CERS4: variants seen among roughly 807,000 people sequenced by gnomAD.
The protein encoded by CERS4 is LAG1 homolog, ceramide synthase 4.
CERS4 carries 65 observed loss-of-function variants against 51.8 expected under a neutral mutation model. The observed-to-expected ratio is 1.26, with a 90% CI of 1.03 to 1.54. CERS4 has a LOEUF of 1.54. CERS4 is among the 40% of genes most tolerant of loss of function. The probability of loss-of-function intolerance (pLI) is 0.00; values close to 1 mark genes in which losing one functional copy is unlikely to be tolerated. For missense variants in CERS4, 563 were observed against 500.4 expected (o/e 1.13, Z -1.19); for synonymous variants, 228 against 208.4 (o/e 1.09, Z -0.81).
intron 2 of CERS4, among the ~76,000 whole-genome samples, chr19:8,249,465 A>G (rs1968959080): frequency 6.6e-6 from 1 of 151,836 alleles, no homozygotes; most frequent in African/African-American, 2.4e-5. Flanking sequence ...AGGCAAGCTC[A>G]GTTATGCAGT....
chr19:8,246,455 G>A (rs1418683323), intron 2 of CERS4, among the ~76,000 whole-genome samples: 1 of 151,750 alleles, frequency 6.6e-6, no homozygotes, highest in Non-Finnish European at 1.5e-5. Flanking sequence ...GCTCTGCGGG[G>A]GCTGACATGA....
intron 2 of CERS4, chr19:8,240,596 G>GTGTGTGTGTGTA (rs1258900715): frequency 2.0e-5 from 3 of 150,832 alleles, no homozygotes; most frequent in East Asian, 3.9e-4. Flanking sequence ...GTGTGTGTGT[G>GTGTGTGTGTGTA]TGTGTGTGTG....
intron 2 of CERS4, among the ~76,000 whole-genome samples, chr19:8,229,137 C>A (rs192301512): frequency 6.6e-6 from 1 of 152,098 alleles, no homozygotes; most frequent in East Asian, 1.9e-4. Flanking sequence ...ACCAGCCTGG[C>A]AACATGGTGA....
intron 10 of CERS4, among the ~76,000 whole-genome samples, chr19:8,258,766 C>G (rs1278905345): frequency 6.6e-6 from 1 of 152,000 alleles, no homozygotes; most frequent in Non-Finnish European, 1.5e-5. Context: ...CACTTAAACC[C>G]AGAAGGCAGA....
At chr19:8,256,806 C>T in intron 8 of CERS4, 96 bp downstream of exon 8, 1 of 1,570,188 alleles carries the variant, frequency 6.4e-7, no homozygotes. Context: ...TTGAGAGCTC[C>T]CTGGTGCCTC....
chr19:8,211,605 G>T (rs963689863), intron 2 of CERS4, among the ~76,000 whole-genome samples: 1 of 152,148 alleles, frequency 6.6e-6, no homozygotes, highest in Non-Finnish European at 1.5e-5. Context: ...AAAATATCAC[G>T]GAGGGGCTGG....
At chr19:8,249,212 G>A (rs975684820) in intron 2 of CERS4, among the ~76,000 whole-genome samples, 1 of 149,478 alleles carries the variant, frequency 6.7e-6, no homozygotes, top group East Asian at 2.0e-4. Context: ...GACGATGGGT[G>A]GATGGATGAT....
At chr19:8,211,280 G>C (rs112658626) in intron 2 of CERS4, among the ~76,000 whole-genome samples, 1 of 152,124 alleles carries the variant, frequency 6.6e-6, no homozygotes, top group African/African-American at 2.4e-5. Flanking sequence ...CCTCCCACCC[G>C]TGGGATGGCA....
At chr19:8,220,816 T>TG (rs1466988743) in intron 2 of CERS4, among the ~76,000 whole-genome samples, 4 of 135,952 alleles carry the variant, frequency 2.9e-5, no homozygotes, top group Non-Finnish European at 4.9e-5. Context: ...TGCTGTTTTG[T>TG]GTTTTTTTTT....
intron 3 of CERS4, among the ~76,000 whole-genome samples, chr19:8,253,109 G>A (rs983489889): frequency 1.3e-5 from 2 of 152,252 alleles, no homozygotes; most frequent in African/African-American, 2.4e-5. Context: ...TTCACCAAAT[G>A]AGGCAGGATG....
intron 6 of CERS4, 113 bp downstream of exon 6, chr19:8,255,992 G>A: frequency 1.6e-6 from 2 of 1,223,830 alleles, no homozygotes; most frequent in Non-Finnish European, 2.4e-6. Context: ...TGCAGCTGAG[G>A]AGAGAGCGAG....
chr19:8,235,923 C>T lies in CERS4; in HGVS notation c.-1-15153C>T, dbSNP rs958185030. Among the ~76,000 whole-genome samples the T allele has an allele frequency of 5.3e-5, 8 of 149,594 alleles. No individual in the cohort carries two copies. The East Asian group carries it at 1.0e-3, about 19-fold the overall frequency. ...AAACAAAAACAAAACAGGCCGGGCG[C>T]GGTGGCTCACGCCTGTAATCCCAGC... On this transcript the variant is annotated intron_variant, in intron 2 of 11. Transcript: ENST00000251363.
chr19:8,218,280 A>G (rs1022289203), intron 2 of CERS4, among the ~76,000 whole-genome samples: 3 of 152,044 alleles, frequency 2.0e-5, no homozygotes, highest in African/African-American at 7.2e-5. Context: ...GAGGCTCTTG[A>G]CCCAGGCTGG....
At chr19:8,218,560 G>T (rs553941363) in intron 2 of CERS4, among the ~76,000 whole-genome samples, 3 of 152,266 alleles carry the variant, frequency 2.0e-5, no homozygotes, top group African/African-American at 7.2e-5. Flanking sequence ...CAGTGCGTTC[G>T]GCCAGGTCAC....
chr19:8,239,097 T>C (rs1370656435), intron 2 of CERS4, among the ~76,000 whole-genome samples: 1 of 151,190 alleles, frequency 6.6e-6, no homozygotes, highest in African/African-American at 2.4e-5. Context: ...TGAGACCCCA[T>C]CTCTTTAAGA....
At chr19:8,231,765 G>C (rs1968013816) in intron 2 of CERS4, among the ~76,000 whole-genome samples, 1 of 151,412 alleles carries the variant, frequency 6.6e-6, no homozygotes, top group South Asian at 2.1e-4. Context: ...TGTTAGCCAG[G>C]ATGGTCTCGA....
At chr19:8,231,104 G>T (rs781631723) in intron 2 of CERS4, among the ~76,000 whole-genome samples, 20 of 152,156 alleles carry the variant, frequency 1.3e-4, no homozygotes, top group Non-Finnish European at 2.6e-4. Flanking sequence ...GTCTCAAAGT[G>T]CTGGGATTAC....
At chr19:8,253,826 G>A (rs1599583772) in intron 3 of CERS4, among the ~76,000 whole-genome samples, 4 of 152,088 alleles carry the variant, frequency 2.6e-5, no homozygotes, top group South Asian at 4.1e-4. Context: ...CTGACCTCAC[G>A]TGATCCGCCC....
chr19:8,257,969 G>A lies in CERS4; in HGVS notation c.832G>A (p.Val278Ile). 1.2e-6 allele frequency: 2 copies of A among 1,613,802 alleles called. No individual in the cohort carries two copies. The highest frequency in any genetic ancestry group is 8.5e-7 in the Non-Finnish European group (1 of 1,179,926). ...CTTTGTCTTCTTCTACACCCGACTG[G>A]TCCTCTTTCCCACCCAGTGAGTCAG... is the stretch of plus-strand genomic sequence containing the variant. ...FSFVFFYTRLVLFPTQILYTT... is the reference protein window; with the variant it reads ...FSFVFFYTRLILFPTQILYTT... The change falls in exon 10 of 12, where the codon GTC becomes ATC. Residue 278 changes from valine (V) to isoleucine (I), a missense_variant. Transcript: ENST00000251363.
Sources: gnomAD v4.1 joint callset for allele counts (sites outside exome capture counted in the v4.1 genomes callset) on GRCh38, gnomAD v4.1.1 for gene constraint, MANE v1.5 for transcripts, NCBI Gene and HGNC (gene_info 2026-07-23, HGNC 2026-07-21) for gene names.